FERMT2: variants seen among roughly 807,000 people sequenced by gnomAD.
FERMT2 encodes FERM domain containing kindlin 2.
A neutral mutation model predicts 82.7 loss-of-function variants in FERMT2; 15 were observed. The ratio of observed to expected loss-of-function variants is 0.18; its 90% CI spans 0.12 to 0.28. FERMT2 has a LOEUF of 0.28. FERMT2 is among the 10% of genes least tolerant of loss of function. FERMT2 has a pLI of 1.00. For synonymous variants in FERMT2, 274 were observed against 271.5 expected, an observed-to-expected ratio of 1.01 and a Z score of -0.09; for missense variants, 645 against 809.4, an observed-to-expected ratio of 0.80 and a Z score of 2.46.
At chr14:52,926,954 C>G (rs1330749468) in intron 2 of FERMT2, among the ~76,000 whole-genome samples, 1 of 151,944 alleles carries the variant, frequency 6.6e-6, no homozygotes, top group Non-Finnish European at 1.5e-5. Context: ...TTCTGTGTCC[C>G]TCCTCCCTTA....
At position 52,899,774 on chromosome 14, in the gene FERMT2, G is replaced by A. The variant is rs560504959; in HGVS notation, c.392-6347C>T. Among the ~76,000 whole-genome samples, 111 of 152,320 alleles carry A rather than the reference G, an allele frequency of 7.3e-4. No individual in the cohort carries two copies. The Middle Eastern group carries it at 0.014, about 19-fold the overall frequency. On this transcript the variant is annotated intron_variant, in intron 3 of 14. Transcript: ENST00000341590. ...ACCTAACTCTCCACATTAAGATACT[G>A]ATCATTTCACTGACATGAGAATTTA...
rs780130487 is a variant in FERMT2, at chr14:52,887,782, C to T, written c.526+5511G>A. 2.4e-4 allele frequency among the ~76,000 whole-genome samples: 36 copies of T among 151,598 alleles called. 1 individual carries two copies. The highest frequency in any genetic ancestry group is 7.5e-4 in the African/African-American group (31 of 41,114). On this transcript the variant is annotated intron_variant, in intron 4 of 14. Transcript: ENST00000341590. ...TTGGGAAAATTACTTAACTAAGTAA[C>T]GAAAATTACTTAACTAAAGTTAACT...
intron 2 of FERMT2, among the ~76,000 whole-genome samples, chr14:52,948,916 C>G (rs1341244892): frequency 2.0e-5 from 3 of 152,112 alleles, no homozygotes; most frequent in African/African-American, 4.8e-5. Context: ...TCTTTGAAAA[C>G]AAAATATCCA....
chr14:52,882,884 AT>A (rs2140122770), intron 4 of FERMT2, among the ~76,000 whole-genome samples: 1 of 152,176 alleles, frequency 6.6e-6, no homozygotes, highest in South Asian at 2.1e-4. Context: ...TGTTCTTCCA[AT>A]GTTAGTACTA....
At chr14:52,941,961 G>C (rs1161796421) in intron 2 of FERMT2, among the ~76,000 whole-genome samples, 1 of 152,108 alleles carries the variant, frequency 6.6e-6, no homozygotes, top group African/African-American at 2.4e-5. Flanking sequence ...GCAGAGGCAG[G>C]TGTGTGTTTG....
intron 3 of FERMT2, among the ~76,000 whole-genome samples, chr14:52,895,379 A>AC (rs1222469834): frequency 1.3e-5 from 2 of 152,232 alleles, no homozygotes; most frequent in Non-Finnish European, 2.9e-5. Context: ...GATGAAAAGC[A>AC]CATTTGTAAT....
intron 4 of FERMT2, 58 bp downstream of exon 4, chr14:52,893,235 A>T (rs1180025660): frequency 6.9e-7 from 1 of 1,443,624 alleles, no homozygotes; most frequent in African/African-American, 1.5e-5. Flanking sequence ...CACCAGAAAG[A>T]CAAAGGTACA....
Position 52,950,754 on chromosome 14 carries a change from C to G in FERMT2, c.-10+167G>C, listed in dbSNP as rs534302566. On this transcript the variant is annotated intron_variant, in intron 1 of 14. Coordinates refer to ENST00000341590, the MANE Select transcript of FERMT2 (RefSeq NM_006832.3). ...GCGGGAGGACCCTACGCCCCGCTCG[C>G]CCCGCAGCGTTCCTCGGTCCCGGCG... 1.1e-3 allele frequency: 600 copies of G among 561,192 alleles called. 4 individuals carry two copies. The highest frequency in any genetic ancestry group is 0.011 in the African/African-American group (525 of 49,932). The allele number at this position is 561,192 out of a possible 1,614,324, so 34.8% of individuals were successfully genotyped here.
chr14:52,926,719 G>T (rs1377927057), intron 2 of FERMT2, among the ~76,000 whole-genome samples: 1 of 151,694 alleles, frequency 6.6e-6, no homozygotes, highest in East Asian at 1.9e-4. Flanking sequence ...GTGGGGCGTG[G>T]GGGGTAAAAA....
chr14:52,921,095 A>AAC (rs879811481), intron 2 of FERMT2, among the ~76,000 whole-genome samples: 7 of 152,164 alleles, frequency 4.6e-5, no homozygotes, highest in South Asian at 2.1e-4. Context: ...TAGAAATTGA[A>AAC]ACACACACAC....
At chr14:52,920,915 T>C (rs933773600) in intron 2 of FERMT2, among the ~76,000 whole-genome samples, 1 of 151,772 alleles carries the variant, frequency 6.6e-6, no homozygotes, top group Non-Finnish European at 1.5e-5. Context: ...ACCACCGTAC[T>C]CCAGCCTGGG....
chr14:52,911,422 C>G (rs147184367), intron 3 of FERMT2, among the ~76,000 whole-genome samples: 1 of 151,924 alleles, frequency 6.6e-6, no homozygotes, highest in South Asian at 2.1e-4. Flanking sequence ...GAGGCTGAGG[C>G]GGGCGGATCA....
intron 2 of FERMT2, among the ~76,000 whole-genome samples, chr14:52,920,950 G>GAAA (rs146780949): frequency 1.1e-3 from 157 of 147,118 alleles, no homozygotes; most frequent in African/African-American, 3.2e-3. Flanking sequence ...CCTACCTCAA[G>GAAA]AAAAAAAAAA....
At chr14:52,908,312 G>GA in intron 3 of FERMT2, among the ~76,000 whole-genome samples, 1 of 152,234 alleles carries the variant, frequency 6.6e-6, no homozygotes, top group South Asian at 2.1e-4. Flanking sequence ...ATATGACCCA[G>GA]AAACCTACCG....
intron 10 of FERMT2, among the ~76,000 whole-genome samples, chr14:52,868,508 G>A (rs141461245): frequency 1.3e-5 from 2 of 152,246 alleles, no homozygotes; most frequent in East Asian, 3.9e-4. Flanking sequence ...GAGACTGTAA[G>A]TGGTTCTTCC....
At chr14:52,862,706 T>G (rs1183296185) in intron 12 of FERMT2, 1 of 152,052 alleles carries the variant, frequency 6.6e-6, no homozygotes, top group Non-Finnish European at 1.5e-5. Context: ...AAATCTAACC[T>G]ATAGCTCTAG....
chr14:52,913,498 T>C (rs528479684), intron 3 of FERMT2, among the ~76,000 whole-genome samples: 2 of 152,290 alleles, frequency 1.3e-5, no homozygotes, highest in South Asian at 4.1e-4. Context: ...TTTTCTGATG[T>C]GCACGTAACC....
chr14:52,885,515 T>TA (rs1482424329), intron 4 of FERMT2, among the ~76,000 whole-genome samples: 5 of 152,116 alleles, frequency 3.3e-5, no homozygotes, highest in African/African-American at 1.2e-4. Context: ...AAAATGCATC[T>TA]GAGGCAGCAA....
chr14:52,897,828 T>A (rs887408799), intron 3 of FERMT2, among the ~76,000 whole-genome samples: 2 of 151,838 alleles, frequency 1.3e-5, no homozygotes, highest in Non-Finnish European at 2.9e-5. Flanking sequence ...AATACAAAAT[T>A]AGCTGGGCAT....
Sources: gnomAD v4.1 joint callset for allele counts (sites outside exome capture counted in the v4.1 genomes callset) on GRCh38, gnomAD v4.1.1 for gene constraint, MANE v1.5 for transcripts, NCBI Gene and HGNC (gene_info 2026-07-23, HGNC 2026-07-21) for gene names.